ATP8B4: variants seen among roughly 807,000 people sequenced by gnomAD.
ATP8B4 encodes the protein probable phospholipid-transporting ATPase IM.
Under a neutral mutation model 145.6 loss-of-function variants are expected in ATP8B4, and 133 were observed. The ratio of observed to expected loss-of-function variants is 0.91; its 90% CI spans 0.79 to 1.05. The LOEUF is 1.05. Ranked by LOEUF, ATP8B4 falls within the 50% of genes least tolerant of loss-of-function variation. The probability of loss-of-function intolerance (pLI) is 0.00; values close to 1 mark genes in which losing one functional copy is unlikely to be tolerated. For synonymous variants in ATP8B4, 507 were observed against 492.9 expected, an observed-to-expected ratio of 1.03 and a Z score of -0.38; for missense variants, 1,458 against 1,425.2, an observed-to-expected ratio of 1.02 and a Z score of -0.37.
At chr15:49,894,014 G>A (rs2037117149) in intron 23 of ATP8B4, among the ~76,000 whole-genome samples, 1 of 152,164 alleles carries the variant, frequency 6.6e-6, no homozygotes, top group Non-Finnish European at 1.5e-5. Context: ...CAGCATTGAT[G>A]CCACTACATG....
In ATP8B4 at chr15:50,002,175, C is replaced by T. The variant is rs2047944604; in HGVS notation, c.484G>A (p.Val162Ile). Reference sequence around the variant, plus strand: ...TACCCATCAAGCTCAGCAGTTTCAACATAACAGAGACCATGTGGCTCACTA... The same window carrying T: ...TACCCATCAAGCTCAGCAGTTTCAATATAACAGAGACCATGTGGCTCACTA... Reference protein sequence around the residue: ...SSSEPHGLCYVETAELDGETN... With the variant: ...SSSEPHGLCYIETAELDGETN... Residue 162 changes from valine to isoleucine, a missense_variant, in exon 8 of 28, where the codon GTT becomes ATT. Transcript: ENST00000284509. The T allele has an allele frequency of 1.2e-6, 2 of 1,610,716 alleles. No individual in the cohort carries two copies. Among genetic ancestry groups the T allele is most frequent in the Non-Finnish European group, 1.7e-6 (2 of 1,177,970 alleles).
At chr15:50,154,885 A>G (rs1425753266) in intron 1 of ATP8B4, among the ~76,000 whole-genome samples, 1 of 152,188 alleles carries the variant, frequency 6.6e-6, no homozygotes, top group African/African-American at 2.4e-5. Flanking sequence ...CATGTTGGCC[A>G]GGCTGGACAG....
At chr15:50,077,066 T>C (rs756534692) in intron 2 of ATP8B4, among the ~76,000 whole-genome samples, 1 of 152,172 alleles carries the variant, frequency 6.6e-6, no homozygotes, top group East Asian at 1.9e-4. Flanking sequence ...ATAGGCATCA[T>C]GGGATCCTTC....
In ATP8B4 at chr15:50,053,203, T is replaced by C. The variant is rs146561002; in HGVS notation, c.88-5739A>G. On this transcript the variant is annotated intron_variant, in intron 3 of 27. Coordinates refer to ENST00000284509, the MANE Select transcript of ATP8B4 (RefSeq NM_024837.4). ...CACAACATTCTTATGAAATAGGTACTATTATTTCCTTTCTGTAGAAGGGAA... is the reference window on the plus strand; with the variant it reads ...CACAACATTCTTATGAAATAGGTACCATTATTTCCTTTCTGTAGAAGGGAA... Among the ~76,000 whole-genome samples the C allele has an allele frequency of 1.5e-3, 230 of 152,314 alleles. 1 individual carries two copies. Among genetic ancestry groups the C allele is most frequent in the African/African-American group, 5.3e-3 (221 of 41,558 alleles).
At chr15:49,901,986 T>A (rs1208125912) in intron 20 of ATP8B4, 1 of 231,644 alleles carries the variant, frequency 4.3e-6, no homozygotes, top group African/African-American at 2.3e-5. Flanking sequence ...CATGCATCTC[T>A]GCCATCTAAG....
intron 13 of ATP8B4, among the ~76,000 whole-genome samples, chr15:49,971,073 G>T (rs2045077548): frequency 6.6e-6 from 1 of 152,140 alleles, no homozygotes; most frequent in African/African-American, 2.4e-5. Context: ...GCCATATGCA[G>T]AAAACTGTAA....
chr15:50,063,719 C>G (rs1443458715), intron 3 of ATP8B4, among the ~76,000 whole-genome samples: 1 of 151,982 alleles, frequency 6.6e-6, no homozygotes, highest in Non-Finnish European at 1.5e-5. Flanking sequence ...TTGGAGGAAC[C>G]CACTTGAAGA....
intron 7 of ATP8B4, among the ~76,000 whole-genome samples, chr15:50,003,273 C>CAT (rs1555452330): frequency 1.2e-5 from 1 of 85,886 alleles, no homozygotes; most frequent in Non-Finnish European, 2.4e-5. Context: ...ATAGGGTGTG[C>CAT]ATGTGTGTGT....
chr15:49,981,461 G>A (rs1038391870), intron 10 of ATP8B4, among the ~76,000 whole-genome samples, 167 bp from the exon 11 acceptor site: 7 of 152,074 alleles, frequency 4.6e-5, no homozygotes, highest in Admixed American at 6.6e-5. Context: ...CAACAATTAG[G>A]TTAACAACAA....
chr15:50,033,087 T>C (rs563031447), intron 6 of ATP8B4, among the ~76,000 whole-genome samples: 2 of 152,346 alleles, frequency 1.3e-5, no homozygotes, highest in East Asian at 1.9e-4. Context: ...TTATGCAGCA[T>C]CTAGAAACAC....
At chr15:50,053,476 A>G (rs958831896) in intron 3 of ATP8B4, among the ~76,000 whole-genome samples, 3 of 152,218 alleles carry the variant, frequency 2.0e-5, no homozygotes, top group Non-Finnish European at 2.9e-5. Context: ...ACCAAAGGAA[A>G]TTCAGTTTAT....
upstream of ATP8B4, among the ~76,000 whole-genome samples, chr15:50,121,333 A>C (rs1018750664): frequency 1.4e-4 from 21 of 152,176 alleles, no homozygotes; most frequent in African/African-American, 4.8e-4. Flanking sequence ...CAAGGGCTGC[A>C]GGAAGAGAGT....
chr15:50,032,125 T>C lies in ATP8B4; in HGVS notation c.362+6643A>G, dbSNP rs556221213. 1.8e-4 allele frequency among the ~76,000 whole-genome samples: 27 copies of C among 152,234 alleles called. No homozygotes were observed. The East Asian group carries it at 5.0e-3, about 28-fold the overall frequency. Reference sequence around the variant, plus strand: ...GTGGTTTGCTGCACCTATCAACCCGTCATCTAGGTTTTAAACCCTGCATGC... The same window carrying C: ...GTGGTTTGCTGCACCTATCAACCCGCCATCTAGGTTTTAAACCCTGCATGC... On this transcript the variant is annotated intron_variant, in intron 6 of 27. Transcript: ENST00000284509.
chr15:50,059,155 C>T (rs1400841914), intron 3 of ATP8B4, among the ~76,000 whole-genome samples: 1 of 152,132 alleles, frequency 6.6e-6, no homozygotes, highest in African/African-American at 2.4e-5. Flanking sequence ...GGGGGACTGA[C>T]AATGGAGTTC....
Position 49,901,180 on chromosome 15 carries a change from C to CA in ATP8B4, c.2200dup (p.Cys734LeufsTer2). 1 of 1,613,528 alleles carries CA rather than the reference C, an allele frequency of 6.2e-7. No individual in the cohort carries two copies. Among genetic ancestry groups the CA allele is most frequent in the Non-Finnish European group, 8.5e-7 (1 of 1,179,640 alleles). On this transcript the variant is annotated frameshift_variant, in exon 21 of 28. Transcript: ENST00000284509. LOFTEE classifies it high-confidence loss of function. ...CAACTCCAGCTGCTGCTTTTTTTCA[C>CA]AAACTACATGGCCATTGGAAAAATT... is the stretch of plus-strand genomic sequence containing the variant.
chr15:49,899,091 T>C (rs2037740470), intron 21 of ATP8B4, among the ~76,000 whole-genome samples: 1 of 152,220 alleles, frequency 6.6e-6, no homozygotes, highest in South Asian at 2.1e-4. Context: ...GGCCCCTGCA[T>C]TCCTTTTGAG....
Position 49,918,957 on chromosome 15 carries a change from T to C in ATP8B4, c.1924-7A>G, listed in dbSNP as rs1474518779. On this transcript the variant is annotated splice_region_variant and splice_polypyrimidine_tract_variant and intron_variant, in intron 18 of 27. Coordinates refer to ENST00000284509, the MANE Select transcript of ATP8B4 (RefSeq NM_024837.4). Reference sequence around the variant, plus strand: ...CAGCAGTGGCACCTAGTAGCTTTATTGAAAAAGAGAGAAAAGTTTATGTTA... The same window carrying C: ...CAGCAGTGGCACCTAGTAGCTTTATCGAAAAAGAGAGAAAAGTTTATGTTA... 1 of 1,591,890 alleles carries C rather than the reference T, an allele frequency of 6.3e-7. No individual in the cohort carries two copies. Among genetic ancestry groups the C allele is most frequent in the Non-Finnish European group, 8.6e-7 (1 of 1,163,866 alleles).
At chr15:50,066,041 T>A (rs1471503789) in intron 3 of ATP8B4, among the ~76,000 whole-genome samples, 1 of 149,036 alleles carries the variant, frequency 6.7e-6, no homozygotes, top group Non-Finnish European at 1.5e-5. Context: ...CAAACTAAAT[T>A]AGGGAAACAA....
chr15:49,909,817 C>T (rs2039044710), intron 20 of ATP8B4, among the ~76,000 whole-genome samples: 2 of 151,308 alleles, frequency 1.3e-5, no homozygotes, highest in African/African-American at 4.9e-5. Flanking sequence ...GTGCCCTACC[C>T]AACCAATACC....
Sources: gnomAD v4.1 joint callset for allele counts (sites outside exome capture counted in the v4.1 genomes callset) on GRCh38, gnomAD v4.1.1 for gene constraint, MANE v1.5 for transcripts, NCBI Gene and HGNC (gene_info 2026-07-23, HGNC 2026-07-21) for gene names.